The following HK2 variants were observed in gnomAD, a reference collection of about 807,000 sequenced individuals.
HK2 encodes the protein hexokinase 2.
Under a neutral mutation model 92.9 loss-of-function variants are expected in HK2, and 42 were observed. The ratio of observed to expected loss-of-function variants is 0.45; its 90% CI spans 0.35 to 0.58. The LOEUF (loss-of-function observed/expected upper bound fraction) is 0.58. Ranked by LOEUF, HK2 falls within the 20% of genes least tolerant of loss-of-function variation. HK2 has a pLI of 0.00. For missense variants in HK2, 978 were observed against 1,245.1 expected (o/e 0.79, Z 3.23); for synonymous variants, 422 against 468.0 (o/e 0.90, Z 1.27).
intron 1 of HK2, among the ~76,000 whole-genome samples, chr2:74,845,343 A>G (rs1688411325): frequency 6.6e-6 from 1 of 152,192 alleles, no homozygotes; most frequent in African/African-American, 2.4e-5. Context: ...ATCTGTTGGC[A>G]GGTGAACTGT....
In HK2 at chr2:74,855,914, G is replaced by A. The variant is rs368894296; in HGVS notation, c.226+1459G>A. Among the ~76,000 whole-genome samples the A allele has an allele frequency of 9.3e-4, 141 of 152,110 alleles. 2 individuals carry two copies. Among genetic ancestry groups the A allele is most frequent in the Non-Finnish European group, 3.2e-4 (22 of 68,018 alleles). On this transcript the variant is annotated intron_variant, in intron 2 of 17. Coordinates refer to ENST00000290573, the MANE Select transcript of HK2 (RefSeq NM_000189.5). ...GGGGACCGAACAAAGTTGTGTCAGA[G>A]CTTTTATTTAATCCTCATAATAGGT...
chr2:74,886,695 T>A, intron 15 of HK2, 22 bp downstream of exon 15: 1 of 1,612,226 alleles, frequency 6.2e-7, no homozygotes, highest in Non-Finnish European at 8.5e-7. Flanking sequence ...ACTGGGGCCC[T>A]GTTAAGTGTA....
chr2:74,838,984 A>G (rs745858312), intron 1 of HK2, among the ~76,000 whole-genome samples: 5 of 152,184 alleles, frequency 3.3e-5, no homozygotes, highest in Non-Finnish European at 7.3e-5. Flanking sequence ...ATACGCATAG[A>G]CTGGTGACAT....
intron 11 of HK2, 68 bp downstream of exon 11, chr2:74,881,927 C>CT: frequency 6.4e-7 from 1 of 1,560,688 alleles, no homozygotes; most frequent in Non-Finnish European, 8.8e-7. Flanking sequence ...GAGGACAGTG[C>CT]TTTCTCTGCT....
Position 74,889,295 on chromosome 2 carries a change from T to G in HK2, c.2426T>G (p.Leu809Arg). The G allele has an allele frequency of 6.2e-7, 1 of 1,614,212 alleles. No homozygotes were observed. The change falls in exon 17 of 18, where the codon CTT becomes CGT. Residue 809 changes from leucine to arginine, a missense_variant. Physicochemically the swap from Leu to Arg is moderately radical, Grantham distance 102 (BLOSUM62 -2). Around this residue, in one of 3 missense-constraint regions of HK2, gnomAD observed 742 missense variants for 922.5 expected, o/e 0.80. Transcript: ENST00000290573. ...CGAGCCATCCTGCAACACTTAGGGC[T>G]TGAGAGCACCTGTGACGACAGCATC... ...QVRAILQHLG[L>R]ESTCDDSIIV...
rs747476646 is a variant in HK2 at position 74,886,402 on chromosome 2, C to A, written c.2035+9C>A. 2.5e-6 allele frequency: 4 copies of A among 1,613,338 alleles called. No homozygotes were observed. The South Asian group carries it at 4.4e-5, about 18-fold the overall frequency. On this transcript the variant is annotated intron_variant, in intron 14 of 17. Transcript: ENST00000290573. ...AGTTGGCCTCATTGTTGGTAAGGAC[C>A]CAGACTGTCCTTTCCACATGGGGAT...
In HK2 at chr2:74,880,249, C is replaced by T. The variant is rs1316835730; in HGVS notation, c.1266-16C>T. 1.2e-6 allele frequency: 2 copies of T among 1,613,856 alleles called. No homozygotes were observed. Among genetic ancestry groups the T allele is most frequent in the African/African-American group, 2.7e-5 (2 of 74,932 alleles). On this transcript the variant is annotated splice_polypyrimidine_tract_variant and intron_variant, in intron 9 of 17. Transcript: ENST00000290573. ...ACCATGGACACCTGTCTCTTACCCG[C>T]CCTGGGGAACTGCAGTTTTGCCAAG... is the stretch of plus-strand genomic sequence containing the variant.
chr2:74,858,733 C>T (rs940142383), intron 2 of HK2, among the ~76,000 whole-genome samples: 1 of 152,222 alleles, frequency 6.6e-6, no homozygotes, highest in Non-Finnish European at 1.5e-5. Flanking sequence ...AGCTCTTATA[C>T]CAGCTCCAAT....
chr2:74,851,828 A>G lies in HK2; in HGVS notation c.64-2465A>G, dbSNP rs552856386. Among the ~76,000 whole-genome samples the G allele has an allele frequency of 4.6e-5, 7 of 152,306 alleles. No individual in the cohort carries two copies. The South Asian group carries it at 8.3e-4, about 18-fold the overall frequency. ...GTCACCTCTGTGTGCCTCACTCTCC[A>G]CTGCGTGCTGTTCATGTCTGCATTG... is the stretch of plus-strand genomic sequence containing the variant. On this transcript the variant is annotated intron_variant, in intron 1 of 17. Coordinates refer to ENST00000290573, the MANE Select transcript of HK2 (RefSeq NM_000189.5).
intron 6 of HK2, 96 bp downstream of exon 6, chr2:74,874,039 G>A: frequency 9.7e-7 from 1 of 1,033,860 alleles, no homozygotes; most frequent in Non-Finnish European, 1.5e-6. Flanking sequence ...GTGTTCCTTT[G>A]TAGTTCATAT....
At chr2:74,847,590 GTGGAAGGATCA>G (rs1558789053) in intron 1 of HK2, among the ~76,000 whole-genome samples, 1 of 152,212 alleles carries the variant, frequency 6.6e-6, no homozygotes, top group Non-Finnish European at 1.5e-5. Context: ...GGAGGCTGCA[GTGGAAGGATCA>G]TGAGCCCAGG....
intron 12 of HK2, among the ~76,000 whole-genome samples, chr2:74,884,610 T>A (rs1306204104): frequency 6.6e-6 from 1 of 152,210 alleles, no homozygotes; most frequent in African/African-American, 2.4e-5. Context: ...TCCAGGTTGA[T>A]GTGAATGAAA....
intron 12 of HK2, among the ~76,000 whole-genome samples, chr2:74,883,738 C>T (rs1026861298): frequency 6.6e-6 from 1 of 152,166 alleles, no homozygotes; most frequent in Non-Finnish European, 1.5e-5. Flanking sequence ...ACCAGACTAG[C>T]GTTGCTTTAT....
chr2:74,878,626 GAC>G (rs1197247593), intron 8 of HK2, 60 bp from the exon 9 acceptor site: 11 of 1,351,480 alleles, frequency 8.1e-6, no homozygotes, highest in Non-Finnish European at 9.4e-6. Flanking sequence ...GCCACCCCCC[GAC>G]ACACACACTG....
intron 1 of HK2, among the ~76,000 whole-genome samples, chr2:74,848,177 C>A (rs1350844868): frequency 2.0e-5 from 3 of 152,160 alleles, no homozygotes; most frequent in Non-Finnish European, 2.9e-5. Context: ...TCTCAGGCCA[C>A]TTAAATCTGT....
chr2:74,857,602 C>T (rs568131497), intron 2 of HK2, among the ~76,000 whole-genome samples: 3 of 152,178 alleles, frequency 2.0e-5, no homozygotes, highest in South Asian at 2.1e-4. Context: ...GCCGAAGTTG[C>T]GCCACTGCAC....
chr2:74,879,430 A>G (rs1317062566), intron 9 of HK2, among the ~76,000 whole-genome samples: 1 of 152,080 alleles, frequency 6.6e-6, no homozygotes, highest in Non-Finnish European at 1.5e-5. Flanking sequence ...TTATTTCCCC[A>G]TCATTTTCAC....
intron 2 of HK2, among the ~76,000 whole-genome samples, chr2:74,863,171 G>C (rs1204903586): frequency 1.3e-5 from 2 of 152,330 alleles, no homozygotes; most frequent in African/African-American, 4.8e-5. Context: ...CACCAGAGTG[G>C]TGCATTCCAA....
At chr2:74,840,538 C>T (rs1455767327) in intron 1 of HK2, among the ~76,000 whole-genome samples, 1 of 151,870 alleles carries the variant, frequency 6.6e-6, no homozygotes, top group East Asian at 1.9e-4. Flanking sequence ...GTTTGTTTTC[C>T]AACACTGTAC....
Sources: allele counts gnomAD v4.1 joint callset (sites outside exome capture counted in the v4.1 genomes callset), GRCh38; gene constraint gnomAD v4.1.1; regional missense constraint gnomAD v4.1.1; transcripts MANE v1.5; gene names NCBI Gene and HGNC (gene_info 2026-07-23, HGNC 2026-07-21).